The following MTRF1 variants were observed in gnomAD, a reference collection of about 807,000 sequenced individuals.
MTRF1 encodes the protein peptide chain release factor 1, mitochondrial.
A neutral mutation model predicts 62.9 loss-of-function variants in MTRF1; 51 were observed. That is an observed-to-expected ratio of 0.81 (90% CI 0.65 to 1.02). The LOEUF (loss-of-function observed/expected upper bound fraction) is 1.02, where lower values mean the gene tolerates loss of function less well. MTRF1 is among the 50% of genes least tolerant of loss of function. The pLI, the probability that MTRF1 is intolerant of heterozygous loss-of-function variation, is 0.00. For synonymous variants in MTRF1, 158 were observed against 181.9 expected, an observed-to-expected ratio of 0.87 and a Z score of 1.06; for missense variants, 446 against 530.0, an observed-to-expected ratio of 0.84 and a Z score of 1.56.
At chr13:41,249,619 C>CTTTTTTTTTTTTTTTTTTTTTT (rs1166204914) in intron 5 of MTRF1, among the ~76,000 whole-genome samples, 19 of 61,534 alleles carry the variant, frequency 3.1e-4, no homozygotes, top group Middle Eastern at 0.017. Flanking sequence ...ATTTTTTTTT[C>CTTTTTTTTTTTTTTTTTTTTTT]TTTTTTTTTT....
chr13:41,298,863 T>C, the MTRF1 span, among the ~76,000 whole-genome samples: 2 of 151,990 alleles, frequency 1.3e-5, no homozygotes, highest in Non-Finnish European at 2.9e-5. Flanking sequence ...GGGAGGTAAA[T>C]CTGGACAAGA....
At chr13:41,246,329 A>G (rs1025376896) in intron 5 of MTRF1, among the ~76,000 whole-genome samples, 3 of 151,974 alleles carry the variant, frequency 2.0e-5, no homozygotes, top group Admixed American at 6.6e-5. Context: ...TCTAGTTGCT[A>G]TATGTGTTTT....
the MTRF1 span, among the ~76,000 whole-genome samples, chr13:41,277,919 G>T: frequency 6.6e-6 from 1 of 152,224 alleles, no homozygotes; most frequent in Non-Finnish European, 1.5e-5. Context: ...GGAGTTATAT[G>T]ACAGGACACT....
chr13:41,228,085 C>T (rs1277406812), intron 7 of MTRF1, among the ~76,000 whole-genome samples: 2 of 152,240 alleles, frequency 1.3e-5, no homozygotes, highest in Admixed American at 6.5e-5. Flanking sequence ...TGCCTAAGCA[C>T]CTGTATTATT....
intron 7 of MTRF1, among the ~76,000 whole-genome samples, chr13:41,233,462 C>T (rs115215724): frequency 1.9e-3 from 291 of 152,218 alleles, no homozygotes; most frequent in African/African-American, 6.6e-3. Context: ...AATCACATTA[C>T]GGACAGCAAA....
chr13:41,310,837 G>A, the MTRF1 span, among the ~76,000 whole-genome samples: 17 of 152,058 alleles, frequency 1.1e-4, no homozygotes, highest in Non-Finnish European at 2.1e-4. Context: ...TCCTAAATGG[G>A]GAGAAATGCA....
chr13:41,226,398 C>T (rs1299475971), intron 8 of MTRF1, 34 bp downstream of exon 8: 29 of 1,584,080 alleles, frequency 1.8e-5, no homozygotes, highest in African/African-American at 5.5e-5. Flanking sequence ...TTTCTTTAAA[C>T]AGTCACTAAA....
chr13:41,272,865 G>C, the MTRF1 span, among the ~76,000 whole-genome samples: 1 of 152,102 alleles, frequency 6.6e-6, no homozygotes, highest in African/African-American at 2.4e-5. Flanking sequence ...CGGGGGCAGG[G>C]GGTGGGTAGT....
At chr13:41,308,410 A>G in the MTRF1 span, among the ~76,000 whole-genome samples, 1 of 152,238 alleles carries the variant, frequency 6.6e-6, no homozygotes, top group Non-Finnish European at 1.5e-5. Flanking sequence ...TTTCGTGAGT[A>G]ACCCTTCACT....
At chr13:41,291,118 G>T in the MTRF1 span, among the ~76,000 whole-genome samples, 272 of 150,948 alleles carry the variant, frequency 1.8e-3, 2 homozygotes, top group African/African-American at 6.2e-3. Flanking sequence ...ACAGAAAAAA[G>T]AAATTTTGAA....
the MTRF1 span, among the ~76,000 whole-genome samples, chr13:41,294,214 T>C: frequency 2.0e-5 from 3 of 152,058 alleles, no homozygotes; most frequent in Admixed American, 6.6e-5. Flanking sequence ...GGTCAAGAGA[T>C]TGAGACCATC....
chr13:41,297,365 G>T, the MTRF1 span, among the ~76,000 whole-genome samples: 1 of 152,076 alleles, frequency 6.6e-6, no homozygotes, highest in Non-Finnish European at 1.5e-5. Flanking sequence ...AATCTCCAAG[G>T]TTTCAAAACT....
At chr13:41,272,477 A>G in the MTRF1 span, among the ~76,000 whole-genome samples, 25 of 152,282 alleles carry the variant, frequency 1.6e-4, no homozygotes, top group Admixed American at 4.6e-4. Flanking sequence ...TTTATTACCC[A>G]TATCTTGGAA....
chr13:41,243,188 C>T (rs2037764673), intron 5 of MTRF1, among the ~76,000 whole-genome samples: 1 of 151,888 alleles, frequency 6.6e-6, no homozygotes. Flanking sequence ...CACTGCACTC[C>T]AGCCTGGATG....
At chr13:41,306,534 C>T in the MTRF1 span, among the ~76,000 whole-genome samples, 6 of 152,204 alleles carry the variant, frequency 3.9e-5, no homozygotes, top group Non-Finnish European at 8.8e-5. Context: ...GGAATAGCAG[C>T]AAACTATTTG....
In MTRF1 at chr13:41,232,324, C is replaced by T. The variant is rs374528584; in HGVS notation, c.988+1566G>A. Among the ~76,000 whole-genome samples the T allele has an allele frequency of 4.1e-3, 402 of 97,386 alleles. 2 individuals carry two copies. The highest frequency in any genetic ancestry group is 0.012 in the African/African-American group (392 of 33,816). The allele number at this position is 97,386 out of a possible 152,430, so 63.9% of individuals were successfully genotyped here. Reference sequence around the variant, plus strand: ...TCAGAAAAAAGGGTAGGAAAAAGAACTAAAAAACAAAGTGACAGACAATAT... The same window carrying T: ...TCAGAAAAAAGGGTAGGAAAAAGAATTAAAAAACAAAGTGACAGACAATAT... On this transcript the variant is annotated intron_variant, in intron 7 of 9. Transcript: ENST00000379480.
chr13:41,267,010 A>C (rs559803206), upstream of MTRF1, among the ~76,000 whole-genome samples: 60 of 151,922 alleles, frequency 3.9e-4, 1 homozygote, highest in Middle Eastern at 3.4e-3. Flanking sequence ...AAAAAAAAAA[A>C]AAAAAAACAA....
Position 41,240,290 on chromosome 13 carries a change from A to T in MTRF1, c.841T>A (p.Ser281Thr), listed in dbSNP as rs915929831. 4.3e-6 allele frequency: 7 copies of T among 1,611,298 alleles called. No individual in the cohort carries two copies. Among genetic ancestry groups the T allele is most frequent in the Non-Finnish European group, 5.9e-6 (7 of 1,178,820 alleles). ...RMQRIHTGTM[S>T]VIVLPQPDEV... Reference sequence around the variant, plus strand: ...TCTGGCTGAGGAAGGACAATAACCGACATCGTTCCTGTGTGAATGCGCTGC... The same window carrying T: ...TCTGGCTGAGGAAGGACAATAACCGTCATCGTTCCTGTGTGAATGCGCTGC... Residue 281 changes from serine (S) to threonine (T), a missense_variant, in exon 6 of 10, where the codon TCG becomes ACG. By Grantham distance (58) the Ser-to-Thr change is moderately conservative. Coordinates refer to ENST00000379480, the MANE Select transcript of MTRF1 (RefSeq NM_004294.4).
intron 9 of MTRF1, among the ~76,000 whole-genome samples, chr13:41,218,243 G>C (rs1255478487): frequency 2.7e-5 from 4 of 149,840 alleles, no homozygotes; most frequent in Non-Finnish European, 5.9e-5. Flanking sequence ...AGCTTCCCGA[G>C]TAGCTGGGAC....
Sources: allele counts gnomAD v4.1 joint callset (sites outside exome capture counted in the v4.1 genomes callset), GRCh38; gene constraint gnomAD v4.1.1; transcripts MANE v1.5; gene names NCBI Gene and HGNC (gene_info 2026-07-23, HGNC 2026-07-21).